Variants in SORCS3 observed in about 807,000 individuals in gnomAD.
SORCS3 encodes VPS10 domain-containing receptor SorCS3.
A neutral mutation model predicts 146.3 loss-of-function variants in SORCS3; 57 were observed. The observed-to-expected ratio is 0.39, with a 90% CI of 0.31 to 0.49. The LOEUF (loss-of-function observed/expected upper bound fraction) is 0.49, where lower values mean the gene tolerates loss of function less well. Among genes scored for constraint, SORCS3 ranks in the 20% least tolerant of loss-of-function variants. The pLI, the probability that SORCS3 is intolerant of heterozygous loss-of-function variation, is 0.92. For synonymous variants in SORCS3, 653 were observed against 618.5 expected, an observed-to-expected ratio of 1.06 and a Z score of -0.83; for missense variants, 1,341 against 1,575.5, an observed-to-expected ratio of 0.85 and a Z score of 2.52.
At chr10:104,664,273 CA>C (rs2015740113) in intron 1 of SORCS3, among the ~76,000 whole-genome samples, 1 of 152,124 alleles carries the variant, frequency 6.6e-6, no homozygotes, top group Non-Finnish European at 1.5e-5. Context: ...GAGCAATAAA[CA>C]GGAGCGGGGC....
chr10:105,231,523 T>C (rs1438472927), intron 20 of SORCS3, among the ~76,000 whole-genome samples: 1 of 152,232 alleles, frequency 6.6e-6, no homozygotes, highest in African/African-American at 2.4e-5. Flanking sequence ...TCTTGTCTTA[T>C]TATGTTAGCC....
chr10:105,167,348 T>C lies in SORCS3; in HGVS notation c.1900T>C (p.Trp634Arg). ...CACACCTCTGCCAGTCAGGCATTTG[T>C]GGTAAGGAGAGCTCCCTACCCTATT... Reference protein sequence around the residue: ...KHTPLPVRHLWVSFDEGHSWD... With the variant: ...KHTPLPVRHLRVSFDEGHSWD... The change falls in exon 13 of 27, where the codon TGG (tryptophan) becomes CGG (arginine). Residue 634 changes from tryptophan to arginine, a missense_variant and splice_region_variant. Transcript: ENST00000369701. 6.2e-7 allele frequency: 1 copy of C among 1,612,820 alleles called. No individual in the cohort carries two copies. Among genetic ancestry groups the C allele is most frequent in the Non-Finnish European group, 8.5e-7 (1 of 1,179,122 alleles).
intron 1 of SORCS3, among the ~76,000 whole-genome samples, chr10:104,802,468 A>C (rs2496026): frequency 6.6e-6 from 1 of 152,090 alleles, no homozygotes; most frequent in Admixed American, 6.5e-5. Flanking sequence ...TGATTTCCCC[A>C]AAAAAGTAAT....
Position 105,014,084 on chromosome 10 carries a change from CACACATATATATACATATATATAT to C in SORCS3, c.955-28945_955-28922del, listed in dbSNP as rs1257074512. Among the ~76,000 whole-genome samples, 26 of 130,914 alleles carry C rather than the reference CACACATATATATACATATATATAT, an allele frequency of 2.0e-4. No individual in the cohort carries two copies. The East Asian group carries it at 3.0e-3, about 15-fold the overall frequency. 85.9% of individuals were successfully genotyped at this position (130,914 alleles called of 152,430 possible). A position where few individuals can be genotyped will look rare whatever the true frequency, so the allele number is the denominator to read the frequency against. ...CTAAATATACATATATATATATATACACACATATATATACATATATATATACACATATATATACATATATATATA... is the reference window on the plus strand; with the variant it reads ...CTAAATATACATATATATATATATACACACATATATATACATATATATATA... On this transcript the variant is annotated intron_variant, in intron 4 of 26. Coordinates refer to ENST00000369701, the MANE Select transcript of SORCS3 (RefSeq NM_014978.3).
intron 3 of SORCS3, among the ~76,000 whole-genome samples, chr10:104,974,114 C>A (rs1222135077): frequency 9.9e-5 from 15 of 151,976 alleles, no homozygotes; most frequent in Admixed American, 5.9e-4. Context: ...TTTTACTTCC[C>A]ACTATGTGGT....
chr10:104,912,987 C>T (rs923931475), intron 2 of SORCS3, among the ~76,000 whole-genome samples: 3 of 152,040 alleles, frequency 2.0e-5, no homozygotes, highest in Admixed American at 6.6e-5. Context: ...GGAGATGATG[C>T]GTACAGCAGC....
At position 105,205,474 on chromosome 10, in the gene SORCS3, T is replaced by A. The variant is rs985547993; in HGVS notation, c.2261+4221T>A. On this transcript the variant is annotated intron_variant, in intron 16 of 26. Coordinates refer to ENST00000369701, the MANE Select transcript of SORCS3 (RefSeq NM_014978.3). ...TCAAGCGAACCCTAGAGAGCCACTT[T>A]GCAGCAACCTCCATCATGGCGCTGG... Among the ~76,000 whole-genome samples the A allele has an allele frequency of 3.9e-5, 6 of 152,250 alleles. No individual in the cohort carries two copies. In the East Asian group the frequency reaches 1.2e-3, roughly 29 times the overall value.
At chr10:104,832,418 G>C (rs1006594065) in intron 1 of SORCS3, among the ~76,000 whole-genome samples, 1 of 152,122 alleles carries the variant, frequency 6.6e-6, no homozygotes, top group Non-Finnish European at 1.5e-5. Context: ...TCAGCTTCCA[G>C]TTCAATAGAA....
intron 2 of SORCS3, among the ~76,000 whole-genome samples, chr10:104,884,202 C>T (rs2018659385): frequency 1.3e-5 from 2 of 152,182 alleles, no homozygotes; most frequent in South Asian, 4.1e-4. Context: ...TTCCAGTTTG[C>T]AACCCTGCAG....
chr10:105,124,308 T>C (rs2133767427), intron 7 of SORCS3, among the ~76,000 whole-genome samples: 1 of 152,296 alleles, frequency 6.6e-6, no homozygotes, highest in East Asian at 1.9e-4. Flanking sequence ...ATGGGCCCGA[T>C]TACCCCTACT....
Position 104,793,899 on chromosome 10 carries a change from G to A in SORCS3, c.628-48893G>A, listed in dbSNP as rs7921707. Among the ~76,000 whole-genome samples, 1,047 of 152,306 alleles carry A rather than the reference G, an allele frequency of 6.9e-3. 7 individuals are homozygous for A. Among genetic ancestry groups the A allele is most frequent in the African/African-American group, 0.024 (1,000 of 41,550 alleles). ...CATTTAGGTGGCAATGAAACCGTCA[G>A]AGTCAACAAAATTTCTCAGGAATGG... On this transcript the variant is annotated intron_variant, in intron 1 of 26. Coordinates refer to ENST00000369701, the MANE Select transcript of SORCS3 (RefSeq NM_014978.3).
At chr10:104,684,107 C>A (rs1228891069) in intron 1 of SORCS3, among the ~76,000 whole-genome samples, 1 of 152,170 alleles carries the variant, frequency 6.6e-6, no homozygotes, top group African/African-American at 2.4e-5. Flanking sequence ...TCTGCTGTGG[C>A]TCAGGGATGG....
intron 5 of SORCS3, among the ~76,000 whole-genome samples, chr10:105,059,820 G>C (rs536031368): frequency 6.6e-6 from 1 of 152,286 alleles, no homozygotes; most frequent in Admixed American, 6.5e-5. Flanking sequence ...AGAGCAACCT[G>C]AGCCTTCCCC....
intron 2 of SORCS3, among the ~76,000 whole-genome samples, chr10:104,907,171 C>G (rs1021313539): frequency 1.3e-5 from 2 of 150,556 alleles, no homozygotes; most frequent in Non-Finnish European, 3.0e-5. Context: ...CTCTATTTAG[C>G]CTTTCCCTGA....
intron 11 of SORCS3, among the ~76,000 whole-genome samples, chr10:105,163,880 A>G (rs2056288766): frequency 8.6e-6 from 1 of 116,132 alleles, no homozygotes; most frequent in African/African-American, 4.3e-5. Flanking sequence ...ACAGTTACGC[A>G]CATACACACA....
rs189363455 is a variant in SORCS3, at chr10:104,782,533, A to G, written c.628-60259A>G. 1.6e-3 allele frequency among the ~76,000 whole-genome samples: 246 copies of G among 152,336 alleles called. 3 individuals carry two copies. Among genetic ancestry groups the G allele is most frequent in the South Asian group, 4.4e-3 (21 of 4,824 alleles). On this transcript the variant is annotated intron_variant, in intron 1 of 26. Transcript: ENST00000369701. ...CATCTTTCTTATCAGTGCAGTAACT[A>G]CACCTTACAAAGGTCATCAGCCTGT...
chr10:105,242,492 TTA>T (rs753633017), intron 20 of SORCS3, among the ~76,000 whole-genome samples: 84 of 16,680 alleles, frequency 5.0e-3, no homozygotes, highest in East Asian at 0.046. Flanking sequence ...ATTTATATAT[TTA>T]TATATATTTA....
rs373114120 is a variant in SORCS3 at position 104,725,782 on chromosome 10, G to A, written c.627+83828G>A. ...GCATAGGACCCGCTGAGCCATGCGC[G>A]GGATATAATCTCCTGGTGTGTCGTT... is the stretch of plus-strand genomic sequence containing the variant. On this transcript the variant is annotated intron_variant, in intron 1 of 26. Transcript: ENST00000369701. Among the ~76,000 whole-genome samples, 154 of 152,334 alleles carry A rather than the reference G, an allele frequency of 1.0e-3. 4 individuals carry two copies. The South Asian group carries it at 0.03, about 30-fold the overall frequency.
chr10:105,235,237 C>A (rs1217183854), intron 20 of SORCS3, among the ~76,000 whole-genome samples: 4 of 152,048 alleles, frequency 2.6e-5, no homozygotes, highest in Admixed American at 2.0e-4. Context: ...TTATAAGTTT[C>A]TTCTGAGAGC....
Sources: gnomAD v4.1 joint callset for allele counts (sites outside exome capture counted in the v4.1 genomes callset) on GRCh38, gnomAD v4.1.1 for gene constraint, MANE v1.5 for transcripts, NCBI Gene and HGNC (gene_info 2026-07-23, HGNC 2026-07-21) for gene names.